Variants in ANXA5 observed in about 807,000 individuals in gnomAD.
The protein encoded by ANXA5 is annexin A5.
ANXA5 carries 40 observed loss-of-function variants against 48.1 expected under a neutral mutation model. That is an observed-to-expected ratio of 0.83 (90% CI 0.65 to 1.08). The LOEUF is 1.08. Among genes scored for constraint, ANXA5 ranks in the 50% least tolerant of loss-of-function variants. The pLI is 0.00. For synonymous variants in ANXA5, 113 were observed against 129.1 expected, an observed-to-expected ratio of 0.88 and a Z score of 0.85; for missense variants, 357 against 376.8, an observed-to-expected ratio of 0.95 and a Z score of 0.44.
chr4:121,696,756 C>G, intron 1 of ANXA5, 107 bp downstream of exon 1: 1 of 462,142 alleles, frequency 2.2e-6, no homozygotes, highest in Non-Finnish European at 3.7e-6. Context: ...CCCGCCCTCT[C>G]GCAGCTACCG....
intron 10 of ANXA5, among the ~76,000 whole-genome samples, chr4:121,670,768 C>A (rs1459385704): frequency 6.6e-6 from 1 of 152,102 alleles, no homozygotes; most frequent in Non-Finnish European, 1.5e-5. Flanking sequence ...TATGAAGGAC[C>A]TGTCTAAAAG....
At chr4:121,670,852 A>T (rs1047764919) in intron 10 of ANXA5, among the ~76,000 whole-genome samples, 1 of 152,172 alleles carries the variant, frequency 6.6e-6, no homozygotes, top group Non-Finnish European at 1.5e-5. Context: ...GCAGATCTTT[A>T]GCTTAGTCTC....
At chr4:121,670,836 G>A (rs935329494) in intron 10 of ANXA5, among the ~76,000 whole-genome samples, 2 of 152,214 alleles carry the variant, frequency 1.3e-5, no homozygotes, top group South Asian at 4.1e-4. Flanking sequence ...TTTAGAGTTG[G>A]TTCATGCAGA....
chr4:121,693,883 C>G (rs1725028699), intron 2 of ANXA5, among the ~76,000 whole-genome samples: 1 of 152,208 alleles, frequency 6.6e-6, no homozygotes, highest in Non-Finnish European at 1.5e-5. Flanking sequence ...GTCAGCTCCT[C>G]TGGAAGGAGT....
chr4:121,672,746 A>C, intron 8 of ANXA5, 120 bp from the exon 9 acceptor site: 1 of 717,756 alleles, frequency 1.4e-6, no homozygotes. Flanking sequence ...TTGTATTAAT[A>C]GTTTTCATTT....
At chr4:121,676,266 G>T (rs1724696789) in intron 8 of ANXA5, among the ~76,000 whole-genome samples, 1 of 152,194 alleles carries the variant, frequency 6.6e-6, no homozygotes, top group Admixed American at 6.5e-5. Context: ...TGCTTGAGTT[G>T]ATATTTAATA....
chr4:121,693,714 T>G (rs1165016134), intron 2 of ANXA5, among the ~76,000 whole-genome samples: 2 of 152,074 alleles, frequency 1.3e-5, no homozygotes, highest in African/African-American at 4.8e-5. Context: ...AAAATGAACT[T>G]AAGAGTTAAA....
At chr4:121,672,726 A>T in intron 8 of ANXA5, 100 bp from the exon 9 acceptor site, 2 of 799,340 alleles carry the variant, frequency 2.5e-6, no homozygotes, top group Non-Finnish European at 4.2e-6. Context: ...AACTCACTTG[A>T]TTCATCATCT....
chr4:121,678,088 T>G, intron 7 of ANXA5, 138 bp from the exon 8 acceptor site: 1 of 721,988 alleles, frequency 1.4e-6, no homozygotes, highest in Non-Finnish European at 2.4e-6. Context: ...TCCTGCACTA[T>G]TTCACGTTAT....
intron 9 of ANXA5, among the ~76,000 whole-genome samples, chr4:121,671,860 A>T (rs893564479): frequency 1.3e-5 from 2 of 152,156 alleles, no homozygotes; most frequent in Non-Finnish European, 2.9e-5. Flanking sequence ...AGTTATAGCC[A>T]ATGAGACCTA....
intron 2 of ANXA5, among the ~76,000 whole-genome samples, chr4:121,696,133 T>TC (rs1232442182): frequency 9.7e-6 from 1 of 103,134 alleles, no homozygotes; most frequent in Non-Finnish European, 1.8e-5. Context: ...ATCACAGTAT[T>TC]AAAATACAGA....
Position 121,668,502 on chromosome 4 carries a change from T to C in ANXA5, c.929A>G (p.Lys310Arg), listed in dbSNP as rs1724558172. Residue 310 changes from lysine to arginine, a missense_variant, in exon 13 of 13, where the codon AAA becomes AGA. Physicochemically the swap from Lys to Arg is conservative, Grantham distance 26 (BLOSUM62 2). Transcript: ENST00000296511. The stretch of plus-strand genomic sequence containing the variant: ...TTCTCCACAGAGCAGCAGAAGAGCT[T>C]TCTTATAGTCCCCAGATGTATCTCC... ...IKGDTSGDYK[K>R]ALLLLCGEDD 3 of 1,613,346 alleles carry C rather than the reference T, an allele frequency of 1.9e-6. No homozygotes were observed. The Admixed American group carries it at 5.0e-5, about 27-fold the overall frequency.
chr4:121,683,010 G>T (rs1430285024), intron 5 of ANXA5, among the ~76,000 whole-genome samples: 1 of 152,004 alleles, frequency 6.6e-6, no homozygotes, highest in Non-Finnish European at 1.5e-5. Flanking sequence ...CAATATTATG[G>T]TTCCCTAATC....
intron 4 of ANXA5, among the ~76,000 whole-genome samples, chr4:121,684,098 T>C (rs1376076892): frequency 6.6e-6 from 1 of 152,174 alleles, no homozygotes; most frequent in Non-Finnish European, 1.5e-5. Flanking sequence ...CTTTTTTGCT[T>C]TGCACTTGTT....
chr4:121,672,230 T>C (rs1018472859), intron 9 of ANXA5, among the ~76,000 whole-genome samples: 1 of 152,174 alleles, frequency 6.6e-6, no homozygotes, highest in Non-Finnish European at 1.5e-5. Context: ...TACCAACCTC[T>C]AGGAGGAAAT....
intron 2 of ANXA5, among the ~76,000 whole-genome samples, chr4:121,691,627 T>C (rs909894623): frequency 7.2e-5 from 11 of 152,036 alleles, no homozygotes; most frequent in African/African-American, 2.4e-4. Context: ...GCTAAGCCGC[T>C]ATGCAGTGAT....
chr4:121,673,427 C>T (rs2110480200), intron 8 of ANXA5, among the ~76,000 whole-genome samples: 1 of 152,246 alleles, frequency 6.6e-6, no homozygotes, highest in Non-Finnish European at 1.5e-5. Flanking sequence ...ACTAAGTCTA[C>T]ATATTAAAGC....
At chr4:121,678,652 T>C (rs1724740915) in intron 6 of ANXA5, among the ~76,000 whole-genome samples, 158 bp from the exon 7 acceptor site, 1 of 152,228 alleles carries the variant, frequency 6.6e-6, no homozygotes, top group African/African-American at 2.4e-5. Context: ...AAGCAAATGC[T>C]TTCAGTGAGT....
At chr4:121,680,444 T>C (rs1560826732) in intron 6 of ANXA5, among the ~76,000 whole-genome samples, 3 of 152,256 alleles carry the variant, frequency 2.0e-5, no homozygotes, top group South Asian at 4.1e-4. Context: ...TTTAACATCA[T>C]TGGTATTTTA....
Sources: allele counts gnomAD v4.1 joint callset (sites outside exome capture counted in the v4.1 genomes callset), GRCh38; gene constraint gnomAD v4.1.1; transcripts MANE v1.5; gene names NCBI Gene and HGNC (gene_info 2026-07-23, HGNC 2026-07-21).